Variants in LRRC7 observed in about 807,000 individuals in gnomAD.
The protein encoded by LRRC7 is leucine rich repeat containing 7.
Under a neutral mutation model 175.7 loss-of-function variants are expected in LRRC7, and 23 were observed. The ratio of observed to expected loss-of-function variants is 0.13; its 90% confidence interval spans 0.09 to 0.19. LRRC7 has a LOEUF of 0.19. Ranked by LOEUF, LRRC7 falls within the 10% of genes least tolerant of loss-of-function variation. The probability of loss-of-function intolerance (pLI) is 1.00; values close to 1 mark genes in which losing one functional copy is unlikely to be tolerated. For missense variants in LRRC7, 1,354 were observed against 1,904.7 expected, an observed-to-expected ratio of 0.71 and a Z score of 5.38; for synonymous variants, 685 against 680.9, an observed-to-expected ratio of 1.01 and a Z score of -0.09.
intron 7 of LRRC7, among the ~76,000 whole-genome samples, chr1:69,859,930 A>G (rs1684178609): frequency 6.6e-6 from 1 of 152,078 alleles, no homozygotes; most frequent in Non-Finnish European, 1.5e-5. Flanking sequence ...TAGTAAGTTA[A>G]ATTGAACTAA....
At chr1:69,888,645 G>A (rs1348257627) in intron 7 of LRRC7, among the ~76,000 whole-genome samples, 3 of 151,902 alleles carry the variant, frequency 2.0e-5, no homozygotes, top group South Asian at 2.1e-4. Context: ...TCCTCCTCCT[G>A]AGGACATTTT....
chr1:69,846,515 G>T (rs1173896071), intron 7 of LRRC7, among the ~76,000 whole-genome samples: 2 of 152,062 alleles, frequency 1.3e-5, no homozygotes. Flanking sequence ...GATCTCGGAG[G>T]CTTAGTCTCT....
chr1:69,938,673 A>G (rs1036336556), intron 8 of LRRC7, among the ~76,000 whole-genome samples: 2 of 151,982 alleles, frequency 1.3e-5, no homozygotes, highest in African/African-American at 4.8e-5. Context: ...TACTAAAAGC[A>G]TGGCAGCCAA....
intron 2 of LRRC7, among the ~76,000 whole-genome samples, chr1:69,690,145 AC>A (rs1161741091): frequency 6.6e-6 from 1 of 152,088 alleles, no homozygotes; most frequent in African/African-American, 2.4e-5. Context: ...TTGCAGCCAA[AC>A]CCTTCCTGAG....
chr1:69,588,180 G>C (rs371962129), intron 1 of LRRC7, among the ~76,000 whole-genome samples: 4 of 152,028 alleles, frequency 2.6e-5, no homozygotes, highest in Non-Finnish European at 5.9e-5. Context: ...TGTTTTGAAA[G>C]TGATTTACAT....
At chr1:70,063,248 C>A (rs1278599362) in intron 23 of LRRC7, among the ~76,000 whole-genome samples, 2 of 152,092 alleles carry the variant, frequency 1.3e-5, no homozygotes, top group African/African-American at 2.4e-5. Context: ...GATTAAAGTA[C>A]TTACTCCATC....
chr1:69,798,065 G>A (rs908548935), intron 4 of LRRC7, among the ~76,000 whole-genome samples: 4 of 152,038 alleles, frequency 2.6e-5, no homozygotes, highest in African/African-American at 9.7e-5. Flanking sequence ...GGGATTACAG[G>A]CGCCTGTCAA....
chr1:69,649,981 A>G (rs1188585892), intron 1 of LRRC7, among the ~76,000 whole-genome samples: 1 of 152,192 alleles, frequency 6.6e-6, no homozygotes, highest in African/African-American at 2.4e-5. Flanking sequence ...ACAGGCAAGC[A>G]TGCGATAAGA....
At chr1:69,707,918 C>G in intron 2 of LRRC7, among the ~76,000 whole-genome samples, 1 of 152,154 alleles carries the variant, frequency 6.6e-6, no homozygotes, top group East Asian at 1.9e-4. Flanking sequence ...ATTATATACT[C>G]TGCTGGACCA....
At position 69,894,532 on chromosome 1, in the gene LRRC7, A is replaced by G. The variant is rs931805842; in HGVS notation, c.648-36975A>G. 2.0e-5 allele frequency among the ~76,000 whole-genome samples: 3 copies of G among 152,338 alleles called. No individual in the cohort carries two copies. The East Asian group carries it at 5.8e-4, about 29-fold the overall frequency. On this transcript the variant is annotated intron_variant, in intron 7 of 26. Coordinates refer to ENST00000651989, the MANE Select transcript of LRRC7 (RefSeq NM_001370785.2). ...TTTTATTGAAGTACAATTGCCATCT[A>G]ATAAACTGACATACTTAACATGTAC...
At chr1:69,667,437 A>C (rs909753468) in intron 1 of LRRC7, among the ~76,000 whole-genome samples, 1 of 152,022 alleles carries the variant, frequency 6.6e-6, no homozygotes, top group African/African-American at 2.4e-5. Context: ...GTTGGGTTCT[A>C]TCTCTCTCTT....
At chr1:70,081,452 T>C (rs1276394072) in intron 24 of LRRC7, among the ~76,000 whole-genome samples, 1 of 152,238 alleles carries the variant, frequency 6.6e-6, no homozygotes, top group African/African-American at 2.4e-5. Context: ...TTTAATTTAA[T>C]TGATAATGTT....
At chr1:69,979,790 T>C (rs1199169098) in intron 8 of LRRC7, among the ~76,000 whole-genome samples, 1 of 152,038 alleles carries the variant, frequency 6.6e-6, no homozygotes, top group Non-Finnish European at 1.5e-5. Flanking sequence ...ATGGGGCTTA[T>C]TCATCTTATG....
intron 25 of LRRC7, among the ~76,000 whole-genome samples, chr1:70,092,998 G>A (rs1289460950): frequency 1.3e-5 from 2 of 152,120 alleles, no homozygotes. Flanking sequence ...ACAATGTTTA[G>A]TAGTGAAAAA....
Position 69,778,941 on chromosome 1 carries a change from CATATATACACACACACAAACATATATAT to C in LRRC7, c.304-13085_304-13058del, listed in dbSNP as rs1371727168. Reference sequence around the variant, plus strand: ...ACACACACACACTCATATATATACACATATATACACACACACAAACATATATATATATATACACACACACTCATATATA... The same window carrying C: ...ACACACACACACTCATATATATACACATATATACACACACACTCATATATA... On this transcript the variant is annotated intron_variant, in intron 3 of 26. Transcript: ENST00000651989. Among the ~76,000 whole-genome samples, 427 of 143,290 alleles carry C rather than the reference CATATATACACACACACAAACATATATAT, an allele frequency of 3.0e-3. 2 individuals carry two copies. The highest frequency in any genetic ancestry group is 3.6e-3 in the Non-Finnish European group (241 of 66,452). The allele number at this position is 143,290 out of a possible 152,430, so 94.0% of individuals were successfully genotyped here.
At chr1:69,890,361 A>G in intron 7 of LRRC7, among the ~76,000 whole-genome samples, 1 of 152,222 alleles carries the variant, frequency 6.6e-6, no homozygotes, top group East Asian at 1.9e-4. Context: ...AATGAACAGT[A>G]TATTTTGAAA....
chr1:69,864,792 C>T (rs1479148086), intron 7 of LRRC7, among the ~76,000 whole-genome samples: 1 of 152,142 alleles, frequency 6.6e-6, no homozygotes, highest in East Asian at 1.9e-4. Flanking sequence ...TTCTAACAAG[C>T]AGAGTCAATA....
At chr1:69,830,529 T>C (rs544788248) in intron 5 of LRRC7, among the ~76,000 whole-genome samples, 8 of 151,984 alleles carry the variant, frequency 5.3e-5, no homozygotes, top group African/African-American at 1.7e-4. Context: ...TTTAAGAGAT[T>C]TTAAAAATTC....
chr1:69,624,364 T>C (rs1315100193), intron 1 of LRRC7, among the ~76,000 whole-genome samples: 4 of 152,158 alleles, frequency 2.6e-5, no homozygotes, highest in Non-Finnish European at 5.9e-5. Context: ...TATATATGTA[T>C]ATATGACAAT....
Sources: gnomAD v4.1 joint callset for allele counts (sites outside exome capture counted in the v4.1 genomes callset) on GRCh38, gnomAD v4.1.1 for gene constraint, MANE v1.5 for transcripts, NCBI Gene and HGNC (gene_info 2026-07-23, HGNC 2026-07-21) for gene names.